The following ACACA variants were observed in gnomAD, a reference collection of about 807,000 sequenced individuals.
ACACA encodes the protein acetyl-CoA carboxylase alpha, also known as acetyl-CoA carboxylase 1.
In ACACA, 103 loss-of-function variants were observed where a neutral mutation model predicts 296.1. That is an observed-to-expected ratio of 0.35 (90% CI 0.30 to 0.41). The LOEUF is 0.41. ACACA is among the 10% of genes least tolerant of loss of function. ACACA has a pLI of 1.00. For synonymous variants in ACACA, 953 were observed against 1,038.6 expected, an observed-to-expected ratio of 0.92 and a Z score of 1.58; for missense variants, 1,554 against 2,989.7, an observed-to-expected ratio of 0.52 and a Z score of 11.20.
At chr17:37,123,427 T>A (rs1161676863) in intron 48 of ACACA, among the ~76,000 whole-genome samples, 1 of 152,180 alleles carries the variant, frequency 6.6e-6, no homozygotes, top group African/African-American at 2.4e-5. Flanking sequence ...CATAAAGATT[T>A]TCTAGGAAAA....
intron 45 of ACACA, among the ~76,000 whole-genome samples, chr17:37,146,670 G>A (rs1180046084): frequency 1.7e-4 from 21 of 127,108 alleles, no homozygotes; most frequent in African/African-American, 7.1e-4. Flanking sequence ...TGGGGGGGAA[G>A]GGGGGGGCAG....
rs148864691 is a variant in ACACA at position 37,194,804 on chromosome 17, C to T, written c.4159-1389G>A. ...TTTCCTTGGTATTTTAACTGTAAGA[C>T]TGCATTTAAAAGGTTCCTAGGAGCT... is the stretch of plus-strand genomic sequence containing the variant. On this transcript the variant is annotated intron_variant, in intron 35 of 55. Coordinates refer to ENST00000616317, the MANE Select transcript of ACACA (RefSeq NM_198834.3). Among the ~76,000 whole-genome samples, 234 of 152,266 alleles carry T rather than the reference C, an allele frequency of 1.5e-3. 1 individual carries two copies. The highest frequency in any genetic ancestry group is 5.5e-3 in the African/African-American group (227 of 41,562).
intron 3 of ACACA, among the ~76,000 whole-genome samples, chr17:37,329,323 A>G (rs1221630636): frequency 6.6e-6 from 1 of 152,120 alleles, no homozygotes; most frequent in Non-Finnish European, 1.5e-5. Context: ...ACTCTTACTC[A>G]CTAGGTCTCA....
intron 1 of ACACA, among the ~76,000 whole-genome samples, chr17:37,362,731 G>A (rs1268291169): frequency 6.6e-6 from 1 of 152,120 alleles, no homozygotes; most frequent in African/African-American, 2.4e-5. Flanking sequence ...AGCACTTTGG[G>A]AGGCCGAGGC....
chr17:37,284,098 C>T (rs2082666755), intron 4 of ACACA, among the ~76,000 whole-genome samples: 1 of 152,084 alleles, frequency 6.6e-6, no homozygotes, highest in South Asian at 2.1e-4. Flanking sequence ...AATACAGGTC[C>T]CCATCCTTTA....
rs111847172 is a variant in ACACA at position 37,246,690 on chromosome 17, C to G, written c.2460+136G>C. On this transcript the variant is annotated intron_variant, in intron 19 of 55. Transcript: ENST00000616317. ...TCAAGCGATCTTCCTGCCTCAGCCT[C>G]CCAAAGTGGTAGGATTACAGGCACA... 2,312 of 1,204,654 alleles carry G rather than the reference C, an allele frequency of 1.9e-3. 6 individuals are homozygous for G. The African/African-American group carries it at 0.023, about 12-fold the overall frequency. The allele number at this position is 1,204,654 out of a possible 1,614,324, so 74.6% of individuals were successfully genotyped here.
At chr17:37,193,337 A>T (rs761745511) in intron 36 of ACACA, 37 bp downstream of exon 36, 29 of 1,291,778 alleles carry the variant, frequency 2.2e-5, no homozygotes, top group Non-Finnish European at 2.9e-5. Flanking sequence ...AGAAAAAGTA[A>T]TTTTTTTTTT....
At chr17:37,260,249 CATATATATATATATATATATAT>C (rs1172232844) in intron 11 of ACACA, among the ~76,000 whole-genome samples, 363 of 30,516 alleles carry the variant, frequency 0.012, 5 homozygotes, top group Non-Finnish European at 0.015. Context: ...ACTCCCAAGT[CATATATATATATATATATATAT>C]ATATATATAT....
chr17:37,335,502 T>C (rs1264651906), intron 2 of ACACA, among the ~76,000 whole-genome samples: 2 of 152,184 alleles, frequency 1.3e-5, no homozygotes, highest in Non-Finnish European at 2.9e-5. Context: ...CAGCCTATCA[T>C]TGTTTGAATG....
At chr17:37,315,337 G>A (rs1259999445) in intron 3 of ACACA, among the ~76,000 whole-genome samples, 3 of 152,168 alleles carry the variant, frequency 2.0e-5, no homozygotes, top group African/African-American at 7.2e-5. Context: ...GATGTCTTAT[G>A]TCTGAGCTGT....
chr17:37,188,170 C>G (rs2077609096), intron 39 of ACACA, 107 bp downstream of exon 39: 1 of 1,065,490 alleles, frequency 9.4e-7, no homozygotes, highest in African/African-American at 1.6e-5. Flanking sequence ...GATAATCCCA[C>G]CAGGTGAACC....
At chr17:37,332,379 C>T (rs2047924143) in intron 2 of ACACA, among the ~76,000 whole-genome samples, 1 of 151,774 alleles carries the variant, frequency 6.6e-6, no homozygotes, top group Non-Finnish European at 1.5e-5. Context: ...CTAAATGAAA[C>T]AATATTTCTT....
intron 1 of ACACA, chr17:37,388,658 T>C (rs752801792): frequency 6.2e-7 from 1 of 1,610,734 alleles, no homozygotes; most frequent in Non-Finnish European, 8.5e-7. Context: ...TCCACTCCCC[T>C]CTCTCCTTTA....
chr17:37,388,352 C>A (rs56281903), intron 1 of ACACA, among the ~76,000 whole-genome samples: 1 of 152,090 alleles, frequency 6.6e-6, no homozygotes. Flanking sequence ...AAGTTTAGAG[C>A]TCCATGTGTA....
chr17:37,274,769 C>T (rs1420405642), intron 8 of ACACA: 2 of 590,074 alleles, frequency 3.4e-6, no homozygotes, highest in Non-Finnish European at 4.3e-6. Context: ...TGTACTCAGC[C>T]ATAAGGGGAA....
intron 5 of ACACA, among the ~76,000 whole-genome samples, chr17:37,279,608 A>G (rs1242491435): frequency 1.3e-5 from 2 of 151,564 alleles, no homozygotes; most frequent in South Asian, 4.2e-4. Flanking sequence ...AGATCACGCC[A>G]CTGCACCAAC....
chr17:37,240,737 C>T (rs760077938), intron 23 of ACACA, among the ~76,000 whole-genome samples, 173 bp from the exon 24 acceptor site: 22 of 152,146 alleles, frequency 1.4e-4, no homozygotes, highest in Non-Finnish European at 2.9e-4. Flanking sequence ...TAAAAGAAAT[C>T]TCACTATAGA....
chr17:37,312,878 A>C (rs1440593502), intron 3 of ACACA, among the ~76,000 whole-genome samples: 4 of 152,186 alleles, frequency 2.6e-5, no homozygotes, highest in African/African-American at 9.7e-5. Flanking sequence ...AAAATTTTTA[A>C]AGAAACAAAA....
intron 24 of ACACA, among the ~76,000 whole-genome samples, chr17:37,238,743 T>G (rs1364551481): frequency 6.6e-6 from 1 of 152,224 alleles, no homozygotes; most frequent in Non-Finnish European, 1.5e-5. Context: ...TATTCTTGAT[T>G]ATAATTTTCC....
Sources: gnomAD v4.1 joint callset for allele counts (sites outside exome capture counted in the v4.1 genomes callset) on GRCh38, gnomAD v4.1.1 for gene constraint, MANE v1.5 for transcripts, NCBI Gene and HGNC (gene_info 2026-07-23, HGNC 2026-07-21) for gene names.